CFAP77: variants seen among roughly 807,000 people sequenced by gnomAD.
CFAP77 encodes the protein cilia- and flagella-associated protein 77.
Under a neutral mutation model 31.1 loss-of-function variants are expected in CFAP77, and 25 were observed. The ratio of observed to expected loss-of-function variants is 0.80; its 90% CI spans 0.59 to 1.12. CFAP77 has a LOEUF of 1.12. Ranked by LOEUF, CFAP77 falls within the 50% of genes most tolerant of loss-of-function variation. The pLI, the probability that CFAP77 is intolerant of heterozygous loss-of-function variation, is 0.00. For synonymous variants in CFAP77, 151 were observed against 159.9 expected, an observed-to-expected ratio of 0.94 and a Z score of 0.42; for missense variants, 377 against 397.3, an observed-to-expected ratio of 0.95 and a Z score of 0.44.
rs139734714 is a variant in CFAP77 at position 132,442,005 on chromosome 9, T to C, written c.195+31539T>C. Among the ~76,000 whole-genome samples the C allele has an allele frequency of 3.4e-3, 514 of 152,328 alleles. 2 individuals are homozygous for C. Among genetic ancestry groups the C allele is most frequent in the African/African-American group, 0.011 (467 of 41,568 alleles). On this transcript the variant is annotated intron_variant, in intron 1 of 5. Transcript: ENST00000393216. ...AGTATCTTCTACCCTTTGTGCAGTT[T>C]AGGGAGGTTCAGTTGTACACTGTTC...
intron 3 of CFAP77, among the ~76,000 whole-genome samples, chr9:132,534,865 C>T (rs1852518917): frequency 6.6e-6 from 1 of 152,202 alleles, no homozygotes; most frequent in Admixed American, 6.5e-5. Context: ...CTGTCTAATG[C>T]TCAAATTGTC....
At chr9:132,414,566 AT>A (rs1208898772) in intron 1 of CFAP77, among the ~76,000 whole-genome samples, 1 of 151,734 alleles carries the variant, frequency 6.6e-6, no homozygotes, top group Admixed American at 6.6e-5. Flanking sequence ...TAAGACAGGC[AT>A]TGTGATGGGT....
chr9:132,457,849 T>C (rs1457153738), intron 1 of CFAP77, among the ~76,000 whole-genome samples: 1 of 152,248 alleles, frequency 6.6e-6, no homozygotes, highest in African/African-American at 2.4e-5. Context: ...TGTGATTCTC[T>C]GGATCCCACC....
chr9:132,486,969 C>G (rs1304560692), intron 1 of CFAP77, among the ~76,000 whole-genome samples: 1 of 152,204 alleles, frequency 6.6e-6, no homozygotes, highest in African/African-American at 2.4e-5. Flanking sequence ...GGAGCGGGGA[C>G]CAGGCAGGCG....
At chr9:132,417,137 CGGA>C in intron 1 of CFAP77, among the ~76,000 whole-genome samples, 1 of 139,936 alleles carries the variant, frequency 7.1e-6, no homozygotes, top group South Asian at 2.2e-4. Flanking sequence ...TTTTTTGAGA[CGGA>C]GTCTCACTCT....
chr9:132,562,258 C>T (rs1197450366), intron 5 of CFAP77, among the ~76,000 whole-genome samples: 1 of 152,228 alleles, frequency 6.6e-6, no homozygotes, highest in Non-Finnish European at 1.5e-5. Flanking sequence ...TTTGAACCCA[C>T]ATTTGTGTTC....
At chr9:132,470,494 C>T (rs1212779028) in intron 1 of CFAP77, among the ~76,000 whole-genome samples, 3 of 152,178 alleles carry the variant, frequency 2.0e-5, no homozygotes, top group African/African-American at 7.2e-5. Flanking sequence ...CAGTTGGCCT[C>T]GCATCCCAGT....
chr9:132,559,586 C>A (rs766193214), intron 5 of CFAP77, among the ~76,000 whole-genome samples: 4 of 152,150 alleles, frequency 2.6e-5, no homozygotes, highest in East Asian at 1.9e-4. Flanking sequence ...TGGTGGGAAT[C>A]AAAAATGGTA....
At chr9:132,504,951 A>G (rs1851907858) in intron 3 of CFAP77, among the ~76,000 whole-genome samples, 1 of 152,262 alleles carries the variant, frequency 6.6e-6, no homozygotes, top group Non-Finnish European at 1.5e-5. Context: ...CTTTAAAAGC[A>G]TGTTAAAACA....
intron 5 of CFAP77, among the ~76,000 whole-genome samples, chr9:132,548,636 C>T (rs976660644): frequency 2.3e-4 from 35 of 152,104 alleles, no homozygotes; most frequent in African/African-American, 7.7e-4. Context: ...AGAGACCCAA[C>T]ATCCATTTTA....
chr9:132,462,897 T>G (rs1453721807), intron 1 of CFAP77, among the ~76,000 whole-genome samples: 1 of 152,100 alleles, frequency 6.6e-6, no homozygotes, highest in East Asian at 1.9e-4. Context: ...TTTTACAGAG[T>G]GAACTCCATG....
intron 5 of CFAP77, among the ~76,000 whole-genome samples, chr9:132,561,318 T>A (rs1787006814): frequency 7.2e-6 from 1 of 138,466 alleles, no homozygotes; most frequent in Admixed American, 7.0e-5. Context: ...CTGTCATTAT[T>A]TTTTTTTTTT....
chr9:132,551,107 C>G (rs147408878), intron 5 of CFAP77, among the ~76,000 whole-genome samples: 22 of 151,788 alleles, frequency 1.4e-4, no homozygotes, highest in African/African-American at 5.1e-4. Flanking sequence ...GGAAATGATG[C>G]CTTAGGGTGG....
At position 132,499,345 on chromosome 9, in the gene CFAP77, G is replaced by A. The variant is rs201314965; in HGVS notation, c.296-27G>A. The A allele has an allele frequency of 2.9e-5, 46 of 1,607,560 alleles. No individual in the cohort carries two copies. In the East Asian group the frequency reaches 8.5e-4, roughly 30 times the overall value. On this transcript the variant is annotated intron_variant, in intron 2 of 5. Transcript: ENST00000393216. The surrounding 1 kb of genome is among the most constrained non-coding windows in gnomAD (Gnocchi z 5.4). ...GGTGCTTACTCCCAGGCTGACCACT[G>A]CCCCGTGGGTCTCTCCCTGCCCTCA...
chr9:132,414,615 C>T (rs955837662), intron 1 of CFAP77, among the ~76,000 whole-genome samples: 1 of 152,008 alleles, frequency 6.6e-6, no homozygotes, highest in Non-Finnish European at 1.5e-5. Context: ...CTGCATTGCC[C>T]GGAAGAGTTC....
intron 1 of CFAP77, among the ~76,000 whole-genome samples, chr9:132,476,250 G>A (rs752569631): frequency 3.3e-5 from 5 of 152,042 alleles, no homozygotes; most frequent in Non-Finnish European, 4.4e-5. Context: ...ACACCCTCAA[G>A]ATTGACTATC....
chr9:132,433,330 T>C (rs1240666859), intron 1 of CFAP77, among the ~76,000 whole-genome samples: 1 of 152,220 alleles, frequency 6.6e-6, no homozygotes, highest in Non-Finnish European at 1.5e-5. Flanking sequence ...CGTACTCGTG[T>C]GTGAGCTCTT....
In CFAP77 at chr9:132,499,269, G is replaced by A. The variant is rs1851797572; in HGVS notation, c.296-103G>A. 4 of 1,009,730 alleles carry A rather than the reference G, an allele frequency of 4.0e-6. No homozygotes were observed. The highest frequency in any genetic ancestry group is 4.3e-5 in the Admixed American group (2 of 46,766). 62.5% of individuals were successfully genotyped at this position (1,009,730 alleles called of 1,614,324 possible). On this transcript the variant is annotated intron_variant, in intron 2 of 5. Transcript: ENST00000393216. The surrounding 1 kb of genome is among the most constrained non-coding windows in gnomAD (Gnocchi z 5.4). ...GTCACCCAGTAGGCTCAGGTAAATGGGAAGGCCGAGGACCCGCGTGCCCCC... is the reference window on the plus strand; with the variant it reads ...GTCACCCAGTAGGCTCAGGTAAATGAGAAGGCCGAGGACCCGCGTGCCCCC...
chr9:132,519,642 A>G (rs1330859637), intron 3 of CFAP77, among the ~76,000 whole-genome samples: 6 of 41,594 alleles, frequency 1.4e-4, no homozygotes, highest in African/African-American at 2.3e-4. Context: ...GTGGATGGGC[A>G]GATGGATGGA....
Sources: allele counts gnomAD v4.1 joint callset (sites outside exome capture counted in the v4.1 genomes callset), GRCh38; gene constraint gnomAD v4.1.1; non-coding constraint Gnocchi (gnomAD v3.1); transcripts MANE v1.5; gene names NCBI Gene and HGNC (gene_info 2026-07-23, HGNC 2026-07-21).